The following CHD7 variants were observed in gnomAD, a reference collection of about 807,000 sequenced individuals.
The protein encoded by CHD7 is ATP-dependent chromatin remodeler CHD7.
A neutral mutation model predicts 307.3 loss-of-function variants in CHD7; 24 were observed. The ratio of observed to expected loss-of-function variants is 0.08; its 90% CI spans 0.06 to 0.11. The LOEUF is 0.11. CHD7 is among the 10% of genes least tolerant of loss of function. The pLI is 1.00. For synonymous variants in CHD7, 1,363 were observed against 1,349.9 expected (o/e 1.01, Z -0.21); for missense variants, 3,106 against 3,727.1 (o/e 0.83, Z 4.34).
At chr8:60,848,685 A>T in intron 24 of CHD7, 81 bp downstream of exon 24, 1 of 1,055,394 alleles carries the variant, frequency 9.5e-7, no homozygotes, top group East Asian at 2.5e-5. Flanking sequence ...GTGTTTCAGA[A>T]CCTTCATAAA....
intron 1 of CHD7, among the ~76,000 whole-genome samples, chr8:60,705,978 A>G (rs1261204102): frequency 6.6e-6 from 1 of 152,230 alleles, no homozygotes; most frequent in Non-Finnish European, 1.5e-5. Context: ...AAGCACATGC[A>G]TATAGTAGAT....
chr8:60,772,725 G>T (rs372238659), intron 2 of CHD7, among the ~76,000 whole-genome samples: 11 of 152,330 alleles, frequency 7.2e-5, no homozygotes, highest in Admixed American at 2.0e-4. Context: ...AGGGCAATAT[G>T]CAAGGTGATG....
At chr8:60,782,882 T>C (rs1368371894) in intron 3 of CHD7, among the ~76,000 whole-genome samples, 1 of 152,206 alleles carries the variant, frequency 6.6e-6, no homozygotes, top group Non-Finnish European at 1.5e-5. Flanking sequence ...TACCTAAATC[T>C]AAGTATATGC....
chr8:60,810,163 C>G (rs946572451), intron 7 of CHD7, among the ~76,000 whole-genome samples: 2 of 152,142 alleles, frequency 1.3e-5, no homozygotes, highest in Non-Finnish European at 2.9e-5. Context: ...TTTCTTTGAA[C>G]ATTTTCTTGC....
At position 60,714,406 on chromosome 8, in the gene CHD7, G is replaced by GCCCCCCCCCCC. The variant is rs71245516; in HGVS notation, c.-174-26842_-174-26832dup. Among the ~76,000 whole-genome samples, 56 of 17,628 alleles carry GCCCCCCCCCCC rather than the reference G, an allele frequency of 3.2e-3. 18 individuals are homozygous for GCCCCCCCCCCC. Among genetic ancestry groups the GCCCCCCCCCCC allele is most frequent in the Non-Finnish European group, 4.3e-3 (35 of 8,178 alleles). The allele number at this position is 17,628 out of a possible 152,430, so 11.6% of individuals were successfully genotyped here. A position where few individuals can be genotyped will look rare whatever the true frequency, so the allele number is the denominator to read the frequency against. On this transcript the variant is annotated intron_variant, in intron 1 of 37. Transcript: ENST00000423902. ...CTGACAACATGGCGGCCGGGAGAAG[G>GCCCCCCCCCCC]CCCCCCCCCCCCCCCCCCCCCGCCC...
chr8:60,774,442 T>C (rs1240627774), intron 2 of CHD7, among the ~76,000 whole-genome samples: 2 of 152,192 alleles, frequency 1.3e-5, no homozygotes, highest in East Asian at 1.9e-4. Context: ...GCAGGATGGC[T>C]TTAGGACTGG....
At chr8:60,774,087 G>T (rs1006117389) in intron 2 of CHD7, among the ~76,000 whole-genome samples, 1 of 152,108 alleles carries the variant, frequency 6.6e-6, no homozygotes, top group African/African-American at 2.4e-5. Context: ...CTACAACTAG[G>T]GTTGGAGAAC....
intron 28 of CHD7, among the ~76,000 whole-genome samples, 183 bp downstream of exon 28, chr8:60,851,502 TTAGA>T (rs1189681031): frequency 2.6e-5 from 4 of 152,234 alleles, no homozygotes; most frequent in African/African-American, 7.2e-5. Flanking sequence ...ATTGAATTTC[TTAGA>T]TAGGATAACT....
At chr8:60,845,734 TACACA>T (rs1215001226) in intron 23 of CHD7, among the ~76,000 whole-genome samples, 8 of 152,242 alleles carry the variant, frequency 5.3e-5, no homozygotes, top group Admixed American at 5.2e-4. Context: ...CATGGTAAGA[TACACA>T]ACACAACGTT....
In CHD7 at chr8:60,828,814, T is replaced by G. The variant is rs1316097820; in HGVS notation, c.3522+8T>G. 6.2e-7 allele frequency: 1 copy of G among 1,611,050 alleles called. No homozygotes were observed. The highest frequency in any genetic ancestry group is 8.5e-7 in the Non-Finnish European group (1 of 1,177,876). ...CTAAAAACAGAAGAGCAGGTATTTATCAGCTCCACTTTGTATTTCAGTTAT... is the reference window on the plus strand; with the variant it reads ...CTAAAAACAGAAGAGCAGGTATTTAGCAGCTCCACTTTGTATTTCAGTTAT... On this transcript the variant is annotated splice_region_variant and intron_variant, in intron 14 of 37. Transcript: ENST00000423902.
chr8:60,850,942 T>C (rs752779848), intron 26 of CHD7, 90 bp from the exon 27 acceptor site: 28 of 880,782 alleles, frequency 3.2e-5, no homozygotes, highest in Non-Finnish European at 4.7e-5. Flanking sequence ...AAAGTAGCAC[T>C]GGGCAGATTA....
intron 8 of CHD7, 55 bp downstream of exon 8, chr8:60,816,556 AT>A: frequency 9.2e-7 from 1 of 1,082,448 alleles, no homozygotes; most frequent in Non-Finnish European, 1.3e-6. Flanking sequence ...AATGTTCTAA[AT>A]TTAAAATTTT....
intron 1 of CHD7, among the ~76,000 whole-genome samples, chr8:60,736,358 T>C (rs1192935421): frequency 6.6e-6 from 1 of 152,194 alleles, no homozygotes; most frequent in Non-Finnish European, 1.5e-5. Context: ...ACTTTCACTT[T>C]GAGTGGAAGC....
At chr8:60,710,442 CCTTCTTCACTGTACCAT>C (rs1449811637) in intron 1 of CHD7, among the ~76,000 whole-genome samples, 4 of 152,158 alleles carry the variant, frequency 2.6e-5, no homozygotes, top group Admixed American at 2.6e-4. Flanking sequence ...GGACATCTTT[CCTTCTTCACTGTACCAT>C]CTGTATCAAA....
chr8:60,711,104 C>T (rs1364766234), intron 1 of CHD7, among the ~76,000 whole-genome samples: 4 of 152,212 alleles, frequency 2.6e-5, no homozygotes, highest in African/African-American at 4.8e-5. Context: ...TACATTTCTG[C>T]TCCATGTACA....
At chr8:60,733,390 C>A (rs1808551120) in intron 1 of CHD7, among the ~76,000 whole-genome samples, 2 of 152,250 alleles carry the variant, frequency 1.3e-5, no homozygotes, top group South Asian at 4.1e-4. Flanking sequence ...AGAATGTGTG[C>A]CCATCTGTTC....
chr8:60,733,680 G>T (rs1268283668), intron 1 of CHD7, among the ~76,000 whole-genome samples: 1 of 152,190 alleles, frequency 6.6e-6, no homozygotes, highest in Non-Finnish European at 1.5e-5. Context: ...AGTGCTGTGG[G>T]CATGCACTTA....
At chr8:60,780,945 T>C in intron 2 of CHD7, 55 bp from the exon 3 acceptor site, 1 of 1,440,906 alleles carries the variant, frequency 6.9e-7, no homozygotes, top group Non-Finnish European at 9.1e-7. Flanking sequence ...TTTCAGTTCT[T>C]TTCTTTACTG....
chr8:60,834,176 T>TA (rs945399475), intron 15 of CHD7, among the ~76,000 whole-genome samples: 3 of 152,224 alleles, frequency 2.0e-5, no homozygotes, highest in Admixed American at 2.0e-4. Flanking sequence ...AATTATTTGT[T>TA]AAAAAAATTT....
Sources: gnomAD v4.1 joint callset for allele counts (sites outside exome capture counted in the v4.1 genomes callset) on GRCh38, gnomAD v4.1.1 for gene constraint, MANE v1.5 for transcripts, NCBI Gene and HGNC (gene_info 2026-07-23, HGNC 2026-07-21) for gene names.